Variants in TRRAP observed in about 807,000 individuals in gnomAD.
TRRAP encodes transformation/transcription domain-associated protein.
Under a neutral mutation model 438.8 loss-of-function variants are expected in TRRAP, and 41 were observed. The observed-to-expected ratio is 0.09, with a 90% CI of 0.07 to 0.12. TRRAP has a LOEUF of 0.12. Ranked by LOEUF, TRRAP falls within the 10% of genes least tolerant of loss-of-function variation. The probability of loss-of-function intolerance (pLI) is 1.00; values close to 1 mark genes in which losing one functional copy is unlikely to be tolerated. For missense variants in TRRAP, 3,122 were observed against 5,055.1 expected, an observed-to-expected ratio of 0.62 and a Z score of 11.60; for synonymous variants, 1,994 against 1,962.9, an observed-to-expected ratio of 1.02 and a Z score of -0.42.
chr7:98,951,169 C>T (rs983117411), intron 39 of TRRAP, among the ~76,000 whole-genome samples, 165 bp downstream of exon 39: 3 of 151,354 alleles, frequency 2.0e-5, no homozygotes, highest in Non-Finnish European at 2.9e-5. Flanking sequence ...TTTAGCAGAC[C>T]GTCACCTTAA....
At position 98,992,157 on chromosome 7, in the gene TRRAP, A is replaced by G. The variant is rs374540379; in HGVS notation, c.9777A>G (p.Gln3259=). The change falls in exon 65 of 73, where the codon CAA becomes CAG. Residue 3259 remains glutamine (Q), a synonymous_variant. Transcript: ENST00000456197. ...AGCAGGTTGGACGCGTGTATCCCCA[A>G]GCGGTCTACTTTCCCATCCGGACCC... ...LISQVGRVYP[Q]AVYFPIRTLY... The G allele has an allele frequency of 6.8e-6, 11 of 1,614,128 alleles. No individual in the cohort carries two copies. In the African/African-American group the frequency reaches 1.1e-4, roughly 16 times the overall value.
intron 26 of TRRAP, among the ~76,000 whole-genome samples, chr7:98,932,116 TATTTA>T (rs1399692832): frequency 2.0e-5 from 3 of 151,780 alleles, no homozygotes; most frequent in African/African-American, 7.2e-5. Flanking sequence ...TTTATTTATT[TATTTA>T]ATTATTTATT....
intron 20 of TRRAP, among the ~76,000 whole-genome samples, chr7:98,918,970 C>T (rs1379450585): frequency 2.0e-5 from 3 of 146,874 alleles, no homozygotes; most frequent in Admixed American, 1.4e-4. Context: ...GCAGGAGAAT[C>T]GCTTAAACTG....
At chr7:98,921,660 G>A in intron 20 of TRRAP, 93 bp from the exon 21 acceptor site, 1 of 1,527,176 alleles carries the variant, frequency 6.5e-7, no homozygotes. Flanking sequence ...ACAGGCATGA[G>A]CCACTACGCC....
intron 31 of TRRAP, 145 bp downstream of exon 31, chr7:98,943,162 T>C (rs1169244724): frequency 2.6e-6 from 2 of 758,214 alleles, no homozygotes; most frequent in Non-Finnish European, 4.3e-6. Context: ...ACACATTTGA[T>C]TGGTATTCTG....
At chr7:99,009,982 G>A (rs1794358165) in intron 70 of TRRAP, among the ~76,000 whole-genome samples, 1 of 150,168 alleles carries the variant, frequency 6.7e-6, no homozygotes, top group Non-Finnish European at 1.5e-5. Context: ...CCGCCTCCTG[G>A]GTTCAAGCGA....
At chr7:98,899,615 T>G in intron 9 of TRRAP, 64 bp from the exon 10 acceptor site, 1 of 1,606,450 alleles carries the variant, frequency 6.2e-7, no homozygotes, top group Non-Finnish European at 8.5e-7. Context: ...GATTCTTCGG[T>G]ATGCCAGATT....
At position 98,959,499 on chromosome 7, in the gene TRRAP, G is replaced by T. The variant is rs746526677; in HGVS notation, c.6489+9G>T. The T allele has an allele frequency of 3.1e-6, 5 of 1,612,812 alleles. No homozygotes were observed. Among genetic ancestry groups the T allele is most frequent in the Non-Finnish European group, 4.2e-6 (5 of 1,179,332 alleles). ...AGCTGCTGATGACTGTGGTGAGTGCGAGTGTCTGAAGGGCCAGGGCAGCGC... is the reference window on the plus strand; with the variant it reads ...AGCTGCTGATGACTGTGGTGAGTGCTAGTGTCTGAAGGGCCAGGGCAGCGC... On this transcript the variant is annotated intron_variant, in intron 45 of 72. Transcript: ENST00000456197.
Position 98,953,187 on chromosome 7 carries a change from G to T in TRRAP, c.5484G>T (p.Gln1828His), listed in dbSNP as rs1554418638. The change falls in exon 40 of 73, where the codon CAG becomes CAT. Residue 1828 changes from glutamine to histidine, a missense_variant. Transcript: ENST00000456197. ...CACAGGTCCTGGACCCCGAGAAGCA[G>T]GCGGACATGCTGGACTCGCTGCGGA... Reference protein sequence around the residue: ...FITKVLDPEKQADMLDSLRIY... With the variant: ...FITKVLDPEKHADMLDSLRIY... 1 of 1,612,944 alleles carries T rather than the reference G, an allele frequency of 6.2e-7. No homozygotes were observed.
intron 67 of TRRAP, among the ~76,000 whole-genome samples, chr7:98,995,316 C>T (rs566331132): frequency 1.1e-4 from 16 of 146,640 alleles, no homozygotes; most frequent in African/African-American, 3.8e-4. Flanking sequence ...TAGGAGACAG[C>T]GTCTGGCGGG....
chr7:98,954,610 A>G (rs1466518945), intron 40 of TRRAP, among the ~76,000 whole-genome samples: 2 of 152,182 alleles, frequency 1.3e-5, no homozygotes, highest in East Asian at 3.9e-4. Context: ...CAGGTTCTGC[A>G]GCTTCTAACA....
At chr7:98,996,938 T>C (rs1793688019) in intron 67 of TRRAP, among the ~76,000 whole-genome samples, 1 of 152,156 alleles carries the variant, frequency 6.6e-6, no homozygotes, top group African/African-American at 2.4e-5. Context: ...AACATAGTCT[T>C]TGCTGACTCT....
At chr7:98,979,509 AT>A (rs1792818296) in intron 58 of TRRAP, among the ~76,000 whole-genome samples, 1 of 152,088 alleles carries the variant, frequency 6.6e-6, no homozygotes, top group Admixed American at 6.5e-5. Flanking sequence ...TCCCCCAAAT[AT>A]TTTCCATCCA....
At chr7:98,978,072 G>T (rs1792749441) in intron 56 of TRRAP, 139 bp from the exon 57 acceptor site, 1 of 735,784 alleles carries the variant, frequency 1.4e-6, no homozygotes, top group Non-Finnish European at 2.2e-6. Flanking sequence ...TTGAGCCTAG[G>T]AATTAAGAGT....
chr7:98,934,101 G>T (rs1027295940), intron 27 of TRRAP, among the ~76,000 whole-genome samples: 2 of 152,220 alleles, frequency 1.3e-5, no homozygotes, highest in African/African-American at 4.8e-5. Context: ...ACATTCCAGT[G>T]TGGGGTGCTA....
chr7:98,960,655 A>G (rs1312827670), intron 45 of TRRAP, among the ~76,000 whole-genome samples: 1 of 152,004 alleles, frequency 6.6e-6, no homozygotes, highest in Admixed American at 6.6e-5. Context: ...GCAGTGGCAC[A>G]GTCTTGGCTC....
Position 98,956,011 on chromosome 7 carries a change from G to A in TRRAP, c.5938-135G>A. The A allele has an allele frequency of 9.1e-7, 1 of 1,101,534 alleles. No homozygotes were observed. The highest frequency in any genetic ancestry group is 1.3e-6 in the Non-Finnish European group (1 of 790,112). The allele number at this position is 1,101,534 out of a possible 1,614,324, so 68.2% of individuals were successfully genotyped here. On this transcript the variant is annotated intron_variant, in intron 41 of 72. Coordinates refer to ENST00000456197, the MANE Select transcript of TRRAP (RefSeq NM_001375524.1). The surrounding 1 kb of genome is among the most constrained non-coding windows in gnomAD (Gnocchi z 4.5). ...TCAGGTTAGGATTCAGAATTCTTGA[G>A]CATCAAGTTGGGCTGTGTGTGTATG...
chr7:98,989,362 G>A (rs567911677), intron 63 of TRRAP, among the ~76,000 whole-genome samples: 3 of 152,310 alleles, frequency 2.0e-5, no homozygotes, highest in African/African-American at 7.2e-5. Flanking sequence ...GGGTGGTTGT[G>A]GGTTTCTCTC....
At chr7:98,964,835 G>T (rs1163886211) in intron 48 of TRRAP, 60 bp downstream of exon 48, 37 of 1,545,238 alleles carry the variant, frequency 2.4e-5, no homozygotes, top group Non-Finnish European at 3.2e-5. Flanking sequence ...AACAGACTCT[G>T]TTGTGCAGGC....
Sources: gnomAD v4.1 joint callset for allele counts (sites outside exome capture counted in the v4.1 genomes callset) on GRCh38, gnomAD v4.1.1 for gene constraint, Gnocchi (gnomAD v3.1) non-coding constraint, MANE v1.5 for transcripts, NCBI Gene and HGNC (gene_info 2026-07-23, HGNC 2026-07-21) for gene names.